ASTN2: variants seen among roughly 807,000 people sequenced by gnomAD.
ASTN2 encodes astrotactin-2.
Under a neutral mutation model 139.8 loss-of-function variants are expected in ASTN2, and 54 were observed. The ratio of observed to expected loss-of-function variants is 0.39; its 90% confidence interval spans 0.31 to 0.48. ASTN2 has a LOEUF of 0.48. Among genes scored for constraint, ASTN2 ranks in the 20% least tolerant of loss-of-function variants. The pLI is 0.95. For missense variants in ASTN2, 1,565 were observed against 1,725.1 expected, an observed-to-expected ratio of 0.91 and a Z score of 1.64; for synonymous variants, 756 against 719.5, an observed-to-expected ratio of 1.05 and a Z score of -0.81.
intron 16 of ASTN2, among the ~76,000 whole-genome samples, chr9:116,681,030 T>C (rs574842818): frequency 5.3e-5 from 8 of 152,202 alleles, no homozygotes; most frequent in African/African-American, 1.7e-4. Flanking sequence ...CCAGGGCAAT[T>C]AGGCAGGAGA....
At chr9:116,461,093 C>T (rs1186664752) in intron 20 of ASTN2, among the ~76,000 whole-genome samples, 1 of 152,048 alleles carries the variant, frequency 6.6e-6, no homozygotes, top group African/African-American at 2.4e-5. Context: ...AGTTCCTTCC[C>T]TCACCTCCTT....
intron 13 of ASTN2, among the ~76,000 whole-genome samples, chr9:116,781,591 G>T (rs906468716): frequency 6.6e-6 from 1 of 152,152 alleles, no homozygotes; most frequent in African/African-American, 2.4e-5. Flanking sequence ...CTTCAGTGGG[G>T]TGGGTTTAAT....
chr9:116,790,844 C>G (rs1830509686), intron 13 of ASTN2, among the ~76,000 whole-genome samples: 1 of 148,624 alleles, frequency 6.7e-6, no homozygotes, highest in Non-Finnish European at 1.5e-5. Context: ...TGGGCTAATT[C>G]TTGTATTTTT....
At chr9:116,931,550 C>A (rs1483142061) in intron 10 of ASTN2, among the ~76,000 whole-genome samples, 1 of 152,202 alleles carries the variant, frequency 6.6e-6, no homozygotes, top group African/African-American at 2.4e-5. Context: ...ATTTTAACTT[C>A]TGAAGATATA....
intron 19 of ASTN2, among the ~76,000 whole-genome samples, chr9:116,568,009 C>T (rs1185767121): frequency 2.0e-5 from 3 of 152,164 alleles, no homozygotes; most frequent in African/African-American, 4.8e-5. Context: ...TTATTATCAC[C>T]TCACTGTAAA....
intron 10 of ASTN2, among the ~76,000 whole-genome samples, chr9:116,891,837 C>T (rs56058509): frequency 0.043 from 6,613 of 152,210 alleles, 267 homozygotes; most frequent in African/African-American, 0.11. Flanking sequence ...ATAACAATAC[C>T]ATCATCCTTA....
At chr9:116,671,623 A>G (rs1024743306) in intron 16 of ASTN2, among the ~76,000 whole-genome samples, 2 of 152,126 alleles carry the variant, frequency 1.3e-5, no homozygotes, top group Non-Finnish European at 2.9e-5. Context: ...CAATATTGAG[A>G]GGATGCCACT....
intron 3 of ASTN2, among the ~76,000 whole-genome samples, chr9:117,142,110 A>C (rs1208864258): frequency 6.6e-6 from 1 of 152,238 alleles, no homozygotes; most frequent in Non-Finnish European, 1.5e-5. Context: ...GGTAGTTACA[A>C]GAGAGCTTGC....
chr9:117,002,191 C>A (rs1355854858), intron 7 of ASTN2, among the ~76,000 whole-genome samples: 1 of 152,166 alleles, frequency 6.6e-6, no homozygotes, highest in Non-Finnish European at 1.5e-5. Context: ...AAGGAGTTGA[C>A]TTTCTAGCAG....
At chr9:116,792,941 G>A (rs1020573850) in intron 13 of ASTN2, among the ~76,000 whole-genome samples, 7 of 152,190 alleles carry the variant, frequency 4.6e-5, no homozygotes, top group African/African-American at 1.7e-4. Context: ...AGAAACTGGG[G>A]ACTACTGAGG....
intron 20 of ASTN2, among the ~76,000 whole-genome samples, chr9:116,465,073 C>T (rs1848610957): frequency 6.6e-6 from 1 of 152,172 alleles, no homozygotes; most frequent in African/African-American, 2.4e-5. Flanking sequence ...GAGGATGTCA[C>T]ATTTGAGCAT....
intron 20 of ASTN2, among the ~76,000 whole-genome samples, chr9:116,457,042 A>G (rs1055913935): frequency 4.6e-5 from 7 of 152,148 alleles, no homozygotes; most frequent in African/African-American, 1.7e-4. Context: ...CTCAGAAATA[A>G]ATCCACACAT....
chr9:117,212,395 A>G (rs1832164008), intron 3 of ASTN2, among the ~76,000 whole-genome samples: 1 of 152,264 alleles, frequency 6.6e-6, no homozygotes, highest in African/African-American at 2.4e-5. Flanking sequence ...AAAGAAAAAA[A>G]AAGCAAAAGT....
At chr9:116,944,373 GAGA>G (rs1329027945) in intron 10 of ASTN2, among the ~76,000 whole-genome samples, 1 of 152,194 alleles carries the variant, frequency 6.6e-6, no homozygotes, top group Non-Finnish European at 1.5e-5. Context: ...AGACATGGGA[GAGA>G]AGATCAATTA....
chr9:116,743,007 C>T (rs186230998), intron 13 of ASTN2, among the ~76,000 whole-genome samples: 129 of 152,248 alleles, frequency 8.5e-4, no homozygotes, highest in African/African-American at 3.0e-3. Context: ...CGCTCAGAGC[C>T]AAGCTCAAAC....
At chr9:116,925,348 C>T (rs1834724074) in intron 10 of ASTN2, among the ~76,000 whole-genome samples, 1 of 152,128 alleles carries the variant, frequency 6.6e-6, no homozygotes. Context: ...AGGAGTCTCC[C>T]AGTTAGAGAA....
intron 11 of ASTN2, among the ~76,000 whole-genome samples, chr9:116,828,952 A>G (rs1590603): frequency 0.85 from 129,392 of 152,110 alleles, 55,190 homozygotes; most frequent in East Asian, 0.95. Context: ...TATATTTAAC[A>G]AGGAGGTGAA....
chr9:117,062,811 C>T (rs1839331458), intron 5 of ASTN2, among the ~76,000 whole-genome samples: 1 of 152,138 alleles, frequency 6.6e-6, no homozygotes, highest in Admixed American at 6.5e-5. Flanking sequence ...GAAAGGAATA[C>T]TGTTCATATT....
intron 4 of ASTN2, among the ~76,000 whole-genome samples, chr9:117,107,388 T>C (rs2132778582): frequency 6.6e-6 from 1 of 152,270 alleles, no homozygotes; most frequent in African/African-American, 2.4e-5. Flanking sequence ...ATCTATATTG[T>C]CAAGACACCC....
Sources: allele counts gnomAD v4.1 joint callset (sites outside exome capture counted in the v4.1 genomes callset), GRCh38; gene constraint gnomAD v4.1.1; transcripts MANE v1.5; gene names NCBI Gene and HGNC (gene_info 2026-07-23, HGNC 2026-07-21).